Variants in ZBTB44 observed in about 807,000 individuals in gnomAD.
The protein encoded by ZBTB44 is zinc finger and BTB domain-containing protein 44.
A neutral mutation model predicts 54.0 loss-of-function variants in ZBTB44; 15 were observed. The ratio of observed to expected loss-of-function variants is 0.28; its 90% CI spans 0.19 to 0.43. ZBTB44 has a LOEUF of 0.43. Among genes scored for constraint, ZBTB44 ranks in the 20% least tolerant of loss-of-function variants. The pLI is 1.00. For missense variants in ZBTB44, 487 were observed against 707.1 expected, an observed-to-expected ratio of 0.69 and a Z score of 3.53; for synonymous variants, 230 against 250.1, an observed-to-expected ratio of 0.92 and a Z score of 0.76.
At chr11:130,271,292 T>C (rs1939651494) in intron 1 of ZBTB44, among the ~76,000 whole-genome samples, 1 of 152,232 alleles carries the variant, frequency 6.6e-6, no homozygotes, top group Non-Finnish European at 1.5e-5. Flanking sequence ...GCAATGAATA[T>C]GGCTAGCACC....
At chr11:130,257,593 T>A (rs1938544108) in intron 2 of ZBTB44, among the ~76,000 whole-genome samples, 1 of 152,174 alleles carries the variant, frequency 6.6e-6, no homozygotes, top group Admixed American at 6.5e-5. Flanking sequence ...GAAAGATCCT[T>A]CAAAGGGAAC....
At chr11:130,293,004 G>A (rs557058265) in intron 1 of ZBTB44, among the ~76,000 whole-genome samples, 1 of 152,214 alleles carries the variant, frequency 6.6e-6, no homozygotes, top group African/African-American at 2.4e-5. Context: ...CAAGTTTTTA[G>A]ATTAGATTTA....
Position 130,314,571 on chromosome 11 carries a change from G to A in ZBTB44, c.-253C>T, listed in dbSNP as rs1387282150. ...TAGGCCCGTGAGCAGCCTGTGGTGG[G>A]GCATGGCGGCACAGCCACCGGCGTG... On this transcript the variant is annotated 5_prime_UTR_variant, in exon 1 of 8. Transcript: ENST00000357899. 1 of 89,318 alleles carries A rather than the reference G, an allele frequency of 1.1e-5. No individual in the cohort carries two copies. Among genetic ancestry groups the A allele is most frequent in the Non-Finnish European group, 2.2e-5 (1 of 45,460 alleles). The allele number at this position is 89,318 out of a possible 1,614,324, so 5.5% of individuals were successfully genotyped here. A position where few individuals can be genotyped will look rare whatever the true frequency, so the allele number is the denominator to read the frequency against.
At chr11:130,244,096 C>CT (rs1954520249) in intron 2 of ZBTB44, among the ~76,000 whole-genome samples, 3 of 152,200 alleles carry the variant, frequency 2.0e-5, no homozygotes, top group Admixed American at 6.5e-5. Context: ...TGATGATCTA[C>CT]TTACCTCCCT....
chr11:130,252,334 T>G (rs1307693794), intron 2 of ZBTB44, among the ~76,000 whole-genome samples: 4 of 152,092 alleles, frequency 2.6e-5, no homozygotes, highest in Non-Finnish European at 5.9e-5. Flanking sequence ...GTGGGAGACT[T>G]TAACACCCCA....
At chr11:130,276,680 C>T (rs1940128729) in intron 1 of ZBTB44, among the ~76,000 whole-genome samples, 1 of 152,104 alleles carries the variant, frequency 6.6e-6, no homozygotes, top group African/African-American at 2.4e-5. Context: ...CTGTCCGCCT[C>T]GGCCTCCCAG....
chr11:130,300,820 C>T lies in ZBTB44; in HGVS notation c.-57+13555G>A, dbSNP rs186182576. ...CATAGAAAAAGAAAGAATATACAGACATGAGGAAGTGAAAACTGTGAGTAA... is the reference window on the plus strand; with the variant it reads ...CATAGAAAAAGAAAGAATATACAGATATGAGGAAGTGAAAACTGTGAGTAA... On this transcript the variant is annotated intron_variant, in intron 1 of 7. Transcript: ENST00000357899. Among the ~76,000 whole-genome samples, 28 of 152,190 alleles carry T rather than the reference C, an allele frequency of 1.8e-4. 1 individual carries two copies. Among genetic ancestry groups the T allele is most frequent in the Admixed American group, 4.6e-4 (7 of 15,272 alleles).
chr11:130,262,905 A>G (rs532362609), intron 1 of ZBTB44, among the ~76,000 whole-genome samples: 6 of 152,126 alleles, frequency 3.9e-5, no homozygotes, highest in Non-Finnish European at 7.4e-5. Flanking sequence ...AAAAAAACAC[A>G]TAAAAATTAG....
At chr11:130,276,054 C>T (rs569497309) in intron 1 of ZBTB44, among the ~76,000 whole-genome samples, 73 of 151,172 alleles carry the variant, frequency 4.8e-4, no homozygotes, top group African/African-American at 1.7e-3. Flanking sequence ...GGTGAAACCC[C>T]GTCTCTACTA....
chr11:130,256,415 C>T (rs969889360), intron 2 of ZBTB44, among the ~76,000 whole-genome samples: 29 of 152,318 alleles, frequency 1.9e-4, no homozygotes, highest in African/African-American at 6.0e-4. Context: ...TGGTGGCTCA[C>T]GCCTGTAATC....
At position 130,227,103 on chromosome 11, in the gene ZBTB44, T is replaced by C. The variant is rs2136230989; in HGVS notation, c.*4661A>G. ...AACGGCACTTAGTTTACAAAAAAGG[T>C]CACAAAAATATATATATATATGTAG... On this transcript the variant is annotated 3_prime_UTR_variant, in exon 8 of 8. Transcript: ENST00000357899. 6.6e-6 allele frequency: 1 copy of C among 151,976 alleles called. No individual in the cohort carries two copies. Among genetic ancestry groups the C allele is most frequent in the East Asian group, 1.9e-4 (1 of 5,188 alleles). The allele number at this position is 151,976 out of a possible 1,614,324, so 9.4% of individuals were successfully genotyped here.
At chr11:130,249,875 A>T (rs1196287586) in intron 2 of ZBTB44, among the ~76,000 whole-genome samples, 1 of 152,112 alleles carries the variant, frequency 6.6e-6, no homozygotes, top group East Asian at 1.9e-4. Context: ...TTCACACACC[A>T]GTGGTGCCTG....
intron 1 of ZBTB44, among the ~76,000 whole-genome samples, chr11:130,283,998 A>AAAAAG (rs1940741894): frequency 7.8e-6 from 1 of 128,388 alleles, no homozygotes; most frequent in African/African-American, 3.0e-5. Flanking sequence ...AAAAAAAAAA[A>AAAAAG]GGCAAGCAGC....
At position 130,314,825 on chromosome 11, in the gene ZBTB44, G is replaced by T. The variant is rs1190296332; in HGVS notation, c.-507C>A. 1.7e-5 allele frequency: 1 copy of T among 57,696 alleles called. No homozygotes were observed. The allele number at this position is 57,696 out of a possible 1,614,324, so 3.6% of individuals were successfully genotyped here. ...GGGAGGGGAGGGGGAGGTTGGGAGGGAGCCGCCGCCGCGCGCGTGCGGCCG... is the reference window on the plus strand; with the variant it reads ...GGGAGGGGAGGGGGAGGTTGGGAGGTAGCCGCCGCCGCGCGCGTGCGGCCG... On this transcript the variant is annotated 5_prime_UTR_variant, in exon 1 of 8. Coordinates refer to ENST00000357899, the MANE Select transcript of ZBTB44 (RefSeq NM_001301098.2).
At chr11:130,262,489 T>C (rs941841345) in intron 1 of ZBTB44, among the ~76,000 whole-genome samples, 3 of 152,156 alleles carry the variant, frequency 2.0e-5, no homozygotes, top group South Asian at 2.1e-4. Flanking sequence ...TTGTAAATAA[T>C]GACAATTATA....
chr11:130,300,577 C>A, intron 1 of ZBTB44, among the ~76,000 whole-genome samples: 1 of 151,922 alleles, frequency 6.6e-6, no homozygotes, highest in African/African-American at 2.4e-5. Flanking sequence ...GAAGGGAAAC[C>A]TGTGAAAGAG....
At position 130,230,566 on chromosome 11, in the gene ZBTB44, T is replaced by C. The variant is rs1953842448; in HGVS notation, c.*1198A>G. On this transcript the variant is annotated 3_prime_UTR_variant, in exon 8 of 8. Transcript: ENST00000357899. ...AACATTTTAGTATATTTTGTCTTAC[T>C]GAAATTGATAAAAAAAAAAAACTGG... 6.7e-6 allele frequency: 1 copy of C among 150,082 alleles called. No individual in the cohort carries two copies. The highest frequency in any genetic ancestry group is 1.5e-5 in the Non-Finnish European group (1 of 67,714). The allele number at this position is 150,082 out of a possible 1,614,324, so 9.3% of individuals were successfully genotyped here.
chr11:130,302,518 T>C (rs1942040479), intron 1 of ZBTB44, among the ~76,000 whole-genome samples: 1 of 151,846 alleles, frequency 6.6e-6, no homozygotes, highest in Non-Finnish European at 1.5e-5. Context: ...GATTCAGTAA[T>C]GGAAAGCCAC....
At chr11:130,258,224 G>A (rs1458333700) in intron 2 of ZBTB44, among the ~76,000 whole-genome samples, 3 of 152,086 alleles carry the variant, frequency 2.0e-5, no homozygotes, top group Non-Finnish European at 4.4e-5. Context: ...TAGAATCAAT[G>A]GAATATAATA....
Sources: gnomAD v4.1 joint callset for allele counts (sites outside exome capture counted in the v4.1 genomes callset) on GRCh38, gnomAD v4.1.1 for gene constraint, MANE v1.5 for transcripts, NCBI Gene and HGNC (gene_info 2026-07-23, HGNC 2026-07-21) for gene names.